The following TLDC2 variants were observed in gnomAD, a reference collection of about 807,000 sequenced individuals.
TLDC2 encodes the protein TLD domain-containing protein 2.
In TLDC2, 23 loss-of-function variants were observed where a neutral mutation model predicts 27.9. The ratio of observed to expected loss-of-function variants is 0.82; its 90% CI spans 0.59 to 1.17. The LOEUF (loss-of-function observed/expected upper bound fraction) is 1.17, where lower values mean the gene tolerates loss of function less well. Among genes scored for constraint, TLDC2 ranks in the 50% most tolerant of loss-of-function variants. TLDC2 has a pLI of 0.00. For missense variants in TLDC2, 286 were observed against 273.4 expected, an observed-to-expected ratio of 1.05 and a Z score of -0.32; for synonymous variants, 124 against 107.4, an observed-to-expected ratio of 1.16 and a Z score of -0.96.
At chr20:36,882,710 A>G (rs1396407282) in intron 4 of TLDC2, among the ~76,000 whole-genome samples, 1 of 152,144 alleles carries the variant, frequency 6.6e-6, no homozygotes, top group Non-Finnish European at 1.5e-5. Flanking sequence ...AAAATATACC[A>G]TATCTATTGC....
At chr20:36,889,201 G>A (rs1167963331) in intron 5 of TLDC2, 50 bp from the exon 6 acceptor site, 6 of 1,595,160 alleles carry the variant, frequency 3.8e-6, no homozygotes, top group Non-Finnish European at 5.1e-6. Flanking sequence ...GAGCCTGGGG[G>A]TTTCAGCACA....
At chr20:36,876,763 A>G (rs533793774) in intron 1 of TLDC2, among the ~76,000 whole-genome samples, 1 of 152,248 alleles carries the variant, frequency 6.6e-6, no homozygotes, top group East Asian at 1.9e-4. Flanking sequence ...ACATTCAAAC[A>G]CACACACTCA....
chr20:36,877,391 AAAAAAG>A (rs989284855), intron 1 of TLDC2, among the ~76,000 whole-genome samples: 2 of 151,772 alleles, frequency 1.3e-5, no homozygotes, highest in African/African-American at 2.4e-5. Context: ...AAAAAAAAAA[AAAAAAG>A]GAAAAAGAAA....
rs1989665209 is a variant in TLDC2 at position 36,876,276 on chromosome 20, G to T, written c.33+69G>T. 3.7e-6 allele frequency: 6 copies of T among 1,603,850 alleles called. No individual in the cohort carries two copies. The East Asian group carries it at 1.3e-4, about 36-fold the overall frequency. ...AGGAGGTGAGGTCTCTGGCAGGGTGGGGCCTGGGCTAGGGTTGGATGCGGG... is the reference window on the plus strand; with the variant it reads ...AGGAGGTGAGGTCTCTGGCAGGGTGTGGCCTGGGCTAGGGTTGGATGCGGG... On this transcript the variant is annotated intron_variant, in intron 1 of 6. Transcript: ENST00000217320.
intron 4 of TLDC2, among the ~76,000 whole-genome samples, chr20:36,884,583 G>A (rs745378383): frequency 4.6e-5 from 7 of 151,756 alleles, no homozygotes; most frequent in Admixed American, 6.6e-5. Context: ...ACATAGTGAC[G>A]TCTCATCTCT....
At position 36,879,035 on chromosome 20, in the gene TLDC2, C is replaced by G. The variant is rs368358321; in HGVS notation, c.190-6C>G. On this transcript the variant is annotated splice_polypyrimidine_tract_variant and splice_region_variant and intron_variant, in intron 2 of 6. Coordinates refer to ENST00000217320, the MANE Select transcript of TLDC2 (RefSeq NM_080628.3). ...CTCCTCCATTCACCTCCAACCCTGT[C>G]CCCAGCTCAGCTTTCACTTCCCACC... is the stretch of plus-strand genomic sequence containing the variant. The G allele has an allele frequency of 4.3e-6, 7 of 1,614,064 alleles. No homozygotes were observed. In the African/African-American group the frequency reaches 8.0e-5, roughly 18 times the overall value.
intron 6 of TLDC2, chr20:36,889,849 A>G (rs1990016316): frequency 6.5e-6 from 1 of 152,950 alleles, no homozygotes; most frequent in Non-Finnish European, 1.5e-5. Context: ...ATTGCCTAAA[A>G]TTCAACCCCC....
In TLDC2 at chr20:36,893,030, T is replaced by C. The variant is rs1346366286; in HGVS notation, c.*186T>C. 3.1e-6 allele frequency: 5 copies of C among 1,614,006 alleles called. No homozygotes were observed. The highest frequency in any genetic ancestry group is 4.2e-6 in the Non-Finnish European group (5 of 1,180,028). The stretch of plus-strand genomic sequence containing the variant: ...GAAGTACTGTCGTTCCATTCCTTTT[T>C]TTGAGGTGTTATGAGTGGGGCTATA... On this transcript the variant is annotated 3_prime_UTR_variant, in exon 7 of 7. Transcript: ENST00000217320.
chr20:36,886,515 C>T (rs1365797244), intron 4 of TLDC2, among the ~76,000 whole-genome samples: 5 of 152,180 alleles, frequency 3.3e-5, no homozygotes, highest in African/African-American at 1.2e-4. Context: ...ATCGTTTGAA[C>T]TCAGGAGGCG....
chr20:36,887,618 G>A, intron 5 of TLDC2, 90 bp downstream of exon 5: 2 of 1,244,962 alleles, frequency 1.6e-6, no homozygotes, highest in Non-Finnish European at 2.4e-6. Flanking sequence ...TGCCCTTGAT[G>A]CAATGGCGAG....
intron 2 of TLDC2, among the ~76,000 whole-genome samples, chr20:36,878,718 G>A (rs369945569): frequency 2.0e-5 from 3 of 152,036 alleles, no homozygotes; most frequent in African/African-American, 7.2e-5. Flanking sequence ...CTAGCCTCTG[G>A]GGGCAAGGGT....
intron 4 of TLDC2, among the ~76,000 whole-genome samples, chr20:36,887,199 C>T (rs934027648): frequency 6.6e-6 from 1 of 152,154 alleles, no homozygotes; most frequent in African/African-American, 2.4e-5. Flanking sequence ...CAGGAAGCCT[C>T]AGGGGTCGTT....
intron 6 of TLDC2, chr20:36,890,435 C>CTTTT (rs1990044635): frequency 7.5e-6 from 1 of 133,658 alleles, no homozygotes; most frequent in Non-Finnish European, 1.6e-5. Flanking sequence ...TTCTCTCTTT[C>CTTTT]CTTCCTTCCT....
rs7270977 is a variant in TLDC2 at position 36,882,795 on chromosome 20, C to T, written c.438+2045C>T. Among the ~76,000 whole-genome samples, 302 of 152,332 alleles carry T rather than the reference C, an allele frequency of 2.0e-3. 1 individual carries two copies. The highest frequency in any genetic ancestry group is 6.7e-3 in the African/African-American group (280 of 41,568). The stretch of plus-strand genomic sequence containing the variant: ...AAAGGGTGAGGGAGGCATGGTGAGC[C>T]AGTGCTGGTACTACTCATCACCACT... On this transcript the variant is annotated intron_variant, in intron 4 of 6. Coordinates refer to ENST00000217320, the MANE Select transcript of TLDC2 (RefSeq NM_080628.3).
chr20:36,884,458 T>C (rs956637719), intron 4 of TLDC2, among the ~76,000 whole-genome samples: 2 of 152,060 alleles, frequency 1.3e-5, no homozygotes, highest in African/African-American at 4.8e-5. Flanking sequence ...ACTACCTGAT[T>C]TAAAATGGCA....
At chr20:36,884,481 G>A (rs1426778874) in intron 4 of TLDC2, among the ~76,000 whole-genome samples, 2 of 152,014 alleles carry the variant, frequency 1.3e-5, no homozygotes, top group Admixed American at 1.3e-4. Flanking sequence ...ACCCAGCCAA[G>A]TGTGGTGGCT....
At chr20:36,881,322 GTGAGCCA>G (rs1270372902) in intron 4 of TLDC2, among the ~76,000 whole-genome samples, 1 of 151,964 alleles carries the variant, frequency 6.6e-6, no homozygotes, top group Non-Finnish European at 1.5e-5. Flanking sequence ...TGAGGCTGTG[GTGAGCCA>G]TGATCGCACC....
rs920143718 is a variant in TLDC2 at position 36,893,356 on chromosome 20, C to T, written c.*512C>T. The T allele has an allele frequency of 2.7e-5, 13 of 479,924 alleles. No individual in the cohort carries two copies. Among genetic ancestry groups the T allele is most frequent in the Non-Finnish European group, 4.5e-5 (12 of 264,608 alleles). The allele number at this position is 479,924 out of a possible 1,614,324, so 29.7% of individuals were successfully genotyped here. ...CTATGGCCTCCTTCACACACCTTCA[C>T]GGAGCACAAACTCTGTCCTGTTTTC... is the stretch of plus-strand genomic sequence containing the variant. On this transcript the variant is annotated 3_prime_UTR_variant, in exon 7 of 7. Coordinates refer to ENST00000217320, the MANE Select transcript of TLDC2 (RefSeq NM_080628.3).
rs750665252 is a variant in TLDC2, at chr20:36,880,741, A to G, written c.429A>G (p.Pro143=). 72 of 1,613,802 alleles carry G rather than the reference A, an allele frequency of 4.5e-5. No individual in the cohort carries two copies. Among genetic ancestry groups the G allele is most frequent in the Admixed American group, 1.0e-4 (6 of 60,000 alleles). ...AGACATTCCTCTTCTCCTTCTCCCC[A>G]CAGCTGAAGGTGATGTTCCCAACCT... is the stretch of plus-strand genomic sequence containing the variant. ...TGETFLFSFS[P]QLKVFKWTGS... The change falls in exon 4 of 7, where the codon CCA becomes CCG. Residue 143 remains proline, a synonymous_variant. Coordinates refer to ENST00000217320, the MANE Select transcript of TLDC2 (RefSeq NM_080628.3).
Sources: allele counts gnomAD v4.1 joint callset (sites outside exome capture counted in the v4.1 genomes callset), GRCh38; gene constraint gnomAD v4.1.1; transcripts MANE v1.5; gene names NCBI Gene and HGNC (gene_info 2026-07-23, HGNC 2026-07-21).